The following GAS7 variants were observed in gnomAD, a reference collection of about 807,000 sequenced individuals.
GAS7 encodes the protein growth arrest specific 7, also known as growth arrest-specific protein 7.
In GAS7, 28 loss-of-function variants were observed where a neutral mutation model predicts 71.1. That is an observed-to-expected ratio of 0.39 (90% CI 0.29 to 0.54). The LOEUF (loss-of-function observed/expected upper bound fraction) is 0.54. GAS7 is among the 20% of genes least tolerant of loss of function. The pLI is 0.62. For missense variants in GAS7, 436 were observed against 627.8 expected, an observed-to-expected ratio of 0.69 and a Z score of 3.27; for synonymous variants, 258 against 245.8, an observed-to-expected ratio of 1.05 and a Z score of -0.46.
intron 1 of GAS7, among the ~76,000 whole-genome samples, chr17:10,193,996 A>G (rs559382238): frequency 2.0e-5 from 3 of 152,242 alleles, no homozygotes; most frequent in Admixed American, 1.3e-4. Context: ...TCCCACAGAC[A>G]CTCCTTATCA....
intron 1 of GAS7, among the ~76,000 whole-genome samples, chr17:10,109,914 C>T (rs1173075725): frequency 6.6e-6 from 1 of 151,978 alleles, no homozygotes; most frequent in African/African-American, 2.4e-5. Context: ...ATCAGCTGGG[C>T]GTGGTGGTGG....
chr17:9,961,019 A>G (rs2069468213), intron 4 of GAS7, among the ~76,000 whole-genome samples: 3 of 151,948 alleles, frequency 2.0e-5, no homozygotes, highest in African/African-American at 7.3e-5. Context: ...TCCCAGCTGC[A>G]CTCTCAGCTG....
chr17:10,195,885 C>T (rs535032041), intron 1 of GAS7, among the ~76,000 whole-genome samples: 23 of 152,192 alleles, frequency 1.5e-4, no homozygotes, highest in African/African-American at 5.3e-4. Context: ...GACCCACATG[C>T]CCCCCTGTTG....
In GAS7 at chr17:10,086,991, A is replaced by G. The variant is rs28460829; in HGVS notation, c.184-67094T>C. On this transcript the variant is annotated intron_variant, in intron 1 of 13. Transcript: ENST00000432992. ...CCTAGAAAATCTTGAGTGGCTCCCC[A>G]GTTATGAAATAATGTCACAAACTTG... Among the ~76,000 whole-genome samples the G allele has an allele frequency of 1.6e-3, 249 of 152,360 alleles. 1 individual carries two copies. The highest frequency in any genetic ancestry group is 5.7e-3 in the African/African-American group (235 of 41,592).
At chr17:10,052,098 C>G (rs936173580) in intron 1 of GAS7, among the ~76,000 whole-genome samples, 2 of 152,078 alleles carry the variant, frequency 1.3e-5, no homozygotes, top group Non-Finnish European at 1.5e-5. Flanking sequence ...CATCTCACCC[C>G]ACACTGTCCC....
chr17:10,109,183 G>A (rs2073787092), intron 1 of GAS7, among the ~76,000 whole-genome samples: 3 of 152,126 alleles, frequency 2.0e-5, no homozygotes. Flanking sequence ...CAAAGGGCAT[G>A]AATAGACATT....
chr17:9,945,445 C>G (rs1036182530), intron 6 of GAS7, among the ~76,000 whole-genome samples: 2 of 152,104 alleles, frequency 1.3e-5, no homozygotes, highest in African/African-American at 4.8e-5. Context: ...ACCCCGCCCT[C>G]TGAGCTCACC....
chr17:10,136,070 A>G (rs982995340), intron 1 of GAS7, among the ~76,000 whole-genome samples: 2 of 152,200 alleles, frequency 1.3e-5, no homozygotes, highest in Admixed American at 6.5e-5. Context: ...TCCGAATAAA[A>G]ACAAATGCCT....
intron 9 of GAS7, among the ~76,000 whole-genome samples, chr17:9,928,762 G>A (rs1234885505): frequency 6.6e-6 from 1 of 152,206 alleles, no homozygotes; most frequent in Non-Finnish European, 1.5e-5. Flanking sequence ...AGCTCCAAGC[G>A]GGCAGGGGCC....
intron 2 of GAS7, among the ~76,000 whole-genome samples, chr17:9,984,682 C>T (rs748622100): frequency 6.6e-6 from 1 of 152,140 alleles, no homozygotes; most frequent in Non-Finnish European, 1.5e-5. Context: ...CTGTTTTTCT[C>T]AACTATAAAA....
intron 2 of GAS7, among the ~76,000 whole-genome samples, chr17:10,005,077 A>ACCAG (rs2071426477): frequency 7.7e-6 from 1 of 130,024 alleles, no homozygotes; most frequent in Non-Finnish European, 1.5e-5. Context: ...ATGCACGCAT[A>ACCAG]CATGCGTGTG....
intron 1 of GAS7, among the ~76,000 whole-genome samples, chr17:10,092,875 C>G: frequency 6.6e-6 from 1 of 152,088 alleles, no homozygotes; most frequent in East Asian, 1.9e-4. Context: ...CAAAATCTCC[C>G]TCTCTCTCTC....
intron 2 of GAS7, among the ~76,000 whole-genome samples, chr17:10,018,254 T>A (rs933647217): frequency 2.0e-5 from 3 of 152,224 alleles, no homozygotes; most frequent in Non-Finnish European, 4.4e-5. Context: ...CAAACTAGTC[T>A]CTAACTTAAA....
intron 1 of GAS7, among the ~76,000 whole-genome samples, chr17:10,042,855 C>T (rs979798269): frequency 6.6e-6 from 1 of 152,136 alleles, no homozygotes; most frequent in African/African-American, 2.4e-5. Context: ...TGAGAGACAG[C>T]GAAGTTGATT....
At chr17:9,970,447 T>C (rs2069914673) in intron 3 of GAS7, among the ~76,000 whole-genome samples, 1 of 152,042 alleles carries the variant, frequency 6.6e-6, no homozygotes. Flanking sequence ...CTAGCCAACA[T>C]GGTGAAACCC....
intron 5 of GAS7, among the ~76,000 whole-genome samples, chr17:9,951,909 AGAGT>A (rs1002028563): frequency 3.9e-5 from 6 of 152,038 alleles, no homozygotes; most frequent in African/African-American, 1.4e-4. Flanking sequence ...ACTTACCCTC[AGAGT>A]GAGGATGCCA....
At chr17:9,978,577 C>T (rs1350735551) in intron 3 of GAS7, among the ~76,000 whole-genome samples, 2 of 151,876 alleles carry the variant, frequency 1.3e-5, no homozygotes, top group Non-Finnish European at 2.9e-5. Flanking sequence ...ACTTGAGAGG[C>T]TGAGGCAGGA....
intron 1 of GAS7, among the ~76,000 whole-genome samples, chr17:10,030,838 C>T (rs2072600220): frequency 6.6e-6 from 1 of 152,188 alleles, no homozygotes; most frequent in Non-Finnish European, 1.5e-5. Flanking sequence ...CTTGAATATC[C>T]CACTTGCTCA....
chr17:10,040,392 T>C (rs924862955), intron 1 of GAS7, among the ~76,000 whole-genome samples: 3 of 152,050 alleles, frequency 2.0e-5, no homozygotes, highest in African/African-American at 7.3e-5. Flanking sequence ...TGGGAGGCCA[T>C]GAGGACACCA....
Sources: gnomAD v4.1 joint callset for allele counts (sites outside exome capture counted in the v4.1 genomes callset) on GRCh38, gnomAD v4.1.1 for gene constraint, MANE v1.5 for transcripts, NCBI Gene and HGNC (gene_info 2026-07-23, HGNC 2026-07-21) for gene names.